MME: variants seen among roughly 807,000 people sequenced by gnomAD.
MME encodes the protein membrane metalloendopeptidase, also known as neprilysin.
MME carries 98 observed loss-of-function variants against 113.2 expected under a neutral mutation model. The observed-to-expected ratio is 0.87, with a 90% CI of 0.74 to 1.02. The LOEUF is 1.02. MME is among the 50% of genes least tolerant of loss of function. MME has a pLI of 0.00. For synonymous variants in MME, 292 were observed against 300.6 expected (o/e 0.97, Z 0.30); for missense variants, 836 against 896.0 (o/e 0.93, Z 0.86).
At chr3:155,169,618 G>C (rs1366442847) in intron 20 of MME, among the ~76,000 whole-genome samples, 2 of 152,196 alleles carry the variant, frequency 1.3e-5, no homozygotes, top group Non-Finnish European at 2.9e-5. Flanking sequence ...ATGATTTTGA[G>C]TGTTTTTCTC....
chr3:155,117,136 C>G, intron 7 of MME, 150 bp downstream of exon 7: 1 of 635,236 alleles, frequency 1.6e-6, no homozygotes, highest in Non-Finnish European at 2.8e-6. Context: ...TCCCTAATAC[C>G]TGGAGTTCCA....
chr3:155,165,045 T>G (rs1722990523), intron 17 of MME, among the ~76,000 whole-genome samples: 1 of 152,162 alleles, frequency 6.6e-6, no homozygotes, highest in South Asian at 2.1e-4. Context: ...GATCTTAAAT[T>G]TCTTAAGGTC....
chr3:155,089,794 A>G (rs1416828864), intron 3 of MME: 1 of 440,224 alleles, frequency 2.3e-6, no homozygotes, highest in East Asian at 7.1e-5. Context: ...CCTGGCCTAC[A>G]TGGTGAAACC....
intron 1 of MME, among the ~76,000 whole-genome samples, chr3:155,080,770 C>T (rs1715074054): frequency 6.6e-6 from 1 of 152,172 alleles, no homozygotes; most frequent in South Asian, 2.1e-4. Context: ...GATTCCTCCC[C>T]CATATATGAT....
intron 2 of MME, among the ~76,000 whole-genome samples, chr3:155,084,770 T>A (rs1250834735): frequency 1.3e-5 from 2 of 152,190 alleles, no homozygotes; most frequent in Non-Finnish European, 2.9e-5. Context: ...AAAAAATGAT[T>A]ACCAAGCAAA....
chr3:155,172,701 T>C, intron 22 of MME, 89 bp downstream of exon 22: 1 of 1,017,788 alleles, frequency 9.8e-7, no homozygotes, highest in South Asian at 1.3e-5. Flanking sequence ...ACTCTGATTC[T>C]TTTACATTTG....
In MME at chr3:155,160,364, G is replaced by A. The variant is rs912611321; in HGVS notation, c.1602-26G>A. The A allele has an allele frequency of 6.6e-6, 10 of 1,518,348 alleles. No homozygotes were observed. The African/African-American group carries it at 1.2e-4, about 17-fold the overall frequency. 94.1% of individuals were successfully genotyped at this position (1,518,348 alleles called of 1,614,324 possible). On this transcript the variant is annotated intron_variant, in intron 16 of 22. Transcript: ENST00000360490. Reference sequence around the variant, plus strand: ...TGAATCAGATAATGCAGTATCATTTGTAAAGAGTTCTTATGTTTTCTACAG... The same window carrying A: ...TGAATCAGATAATGCAGTATCATTTATAAAGAGTTCTTATGTTTTCTACAG...
At chr3:155,104,213 T>C (rs1717500860) in intron 3 of MME, among the ~76,000 whole-genome samples, 1 of 152,164 alleles carries the variant, frequency 6.6e-6, no homozygotes, top group Non-Finnish European at 1.5e-5. Context: ...AGGCCGTCAA[T>C]ATTTGTTGAA....
Position 155,180,725 on chromosome 3 carries a change from C to G in MME, c.*266C>G, listed in dbSNP as rs914418515. On this transcript the variant is annotated 3_prime_UTR_variant, in exon 23 of 23. Coordinates refer to ENST00000360490, the MANE Select transcript of MME (RefSeq NM_007289.4). ...CTAAAGATAATATTACTGTTTATTT[C>G]TGTTTCTCATATGGTCTACCAGTTT... The G allele has an allele frequency of 4.8e-6, 2 of 412,656 alleles. No homozygotes were observed. Among genetic ancestry groups the G allele is most frequent in the Non-Finnish European group, 9.1e-6 (2 of 219,278 alleles). 25.6% of individuals were successfully genotyped at this position (412,656 alleles called of 1,614,324 possible). A position where few individuals can be genotyped will look rare whatever the true frequency, so the allele number is the denominator to read the frequency against.
intron 8 of MME, among the ~76,000 whole-genome samples, chr3:155,126,127 G>A (rs1266005960): frequency 6.6e-6 from 1 of 152,070 alleles, no homozygotes; most frequent in African/African-American, 2.4e-5. Flanking sequence ...AAATACATGG[G>A]TATGGGATAT....
Position 155,116,867 on chromosome 3 carries a change from G to A in MME, c.536-1G>A, listed in dbSNP as rs759072209. ...ATATATTTTATCTTTTATTGCTTTAGGTGCTTCTTGGACAGCTGAAAAAGC... is the reference window on the plus strand; with the variant it reads ...ATATATTTTATCTTTTATTGCTTTAAGTGCTTCTTGGACAGCTGAAAAAGC... On this transcript the variant is annotated splice_acceptor_variant, in intron 6 of 22. Coordinates refer to ENST00000360490, the MANE Select transcript of MME (RefSeq NM_007289.4). LOFTEE classifies it high-confidence loss of function. 1.3e-6 allele frequency: 2 copies of A among 1,591,738 alleles called. No individual in the cohort carries two copies. The highest frequency in any genetic ancestry group is 1.7e-6 in the Non-Finnish European group (2 of 1,160,220).
In MME at chr3:155,180,531, A is replaced by G. The variant is rs199847187; in HGVS notation, c.*72A>G. 1.7e-6 allele frequency: 2 copies of G among 1,187,012 alleles called. No homozygotes were observed. Among genetic ancestry groups the G allele is most frequent in the Non-Finnish European group, 2.5e-6 (2 of 792,066 alleles). 73.5% of individuals were successfully genotyped at this position (1,187,012 alleles called of 1,614,324 possible). On this transcript the variant is annotated 3_prime_UTR_variant, in exon 23 of 23. Coordinates refer to ENST00000360490, the MANE Select transcript of MME (RefSeq NM_007289.4). ...CAGAAATGGGGAATTCTCTAATCGA[A>G]AGAAAATGGGCCCTAGGGGTCACTG...
chr3:155,127,432 C>G (rs1719777620), intron 8 of MME, among the ~76,000 whole-genome samples: 1 of 152,174 alleles, frequency 6.6e-6, no homozygotes, highest in South Asian at 2.1e-4. Context: ...AATAGTTAAC[C>G]TTTATGTAAA....
chr3:155,169,087 A>G (rs1363340022), intron 20 of MME, among the ~76,000 whole-genome samples: 1 of 152,122 alleles, frequency 6.6e-6, no homozygotes, highest in Non-Finnish European at 1.5e-5. Flanking sequence ...AGGAGGCAAC[A>G]TTTTTCTAAG....
chr3:155,167,846 G>A (rs1286144308), intron 18 of MME, among the ~76,000 whole-genome samples: 1 of 152,182 alleles, frequency 6.6e-6, no homozygotes, highest in Admixed American at 6.5e-5. Flanking sequence ...AGGTAACAAA[G>A]ATAGGAACTG....
chr3:155,177,714 A>G (rs1198665205), intron 22 of MME, among the ~76,000 whole-genome samples: 1 of 152,176 alleles, frequency 6.6e-6, no homozygotes, highest in East Asian at 1.9e-4. Flanking sequence ...CAGATGTAAG[A>G]AATGGACATT....
chr3:155,151,635 T>C (rs916780218), intron 16 of MME, among the ~76,000 whole-genome samples: 16 of 152,164 alleles, frequency 1.1e-4, no homozygotes, highest in African/African-American at 3.9e-4. Flanking sequence ...AAAAATAATA[T>C]CTGCCCATTT....
At position 155,068,078 on chromosome 3, in the gene MME, A is replaced by G. The variant is rs140768584; in HGVS notation, c.-10-16080A>G. Among the ~76,000 whole-genome samples, 1,023 of 152,362 alleles carry G rather than the reference A, an allele frequency of 6.7e-3. 13 individuals carry two copies. The highest frequency in any genetic ancestry group is 0.024 in the African/African-American group (996 of 41,586). On this transcript the variant is annotated intron_variant, in intron 1 of 22. Coordinates refer to the MME transcript ENST00000492661. ...AAACAAACTAAGGGATATCCATTCA[A>G]TGGAATACTATTCAATAATAAACAA... is the stretch of plus-strand genomic sequence containing the variant.
chr3:155,112,320 T>C (rs747612317), intron 3 of MME: 1 of 152,180 alleles, frequency 6.6e-6, no homozygotes, highest in Non-Finnish European at 1.5e-5. Context: ...TGAAATAATA[T>C]GAAATAATAT....
Sources: allele counts gnomAD v4.1 joint callset (sites outside exome capture counted in the v4.1 genomes callset), GRCh38; gene constraint gnomAD v4.1.1; transcripts MANE v1.5; gene names NCBI Gene and HGNC (gene_info 2026-07-23, HGNC 2026-07-21).